ZNF326: variants seen among roughly 807,000 people sequenced by gnomAD.
ZNF326 encodes the protein zinc finger protein 326.
A neutral mutation model predicts 63.1 loss-of-function variants in ZNF326; 30 were observed. The ratio of observed to expected loss-of-function variants is 0.48; its 90% confidence interval spans 0.36 to 0.64. The LOEUF (loss-of-function observed/expected upper bound fraction) is 0.64, where lower values mean the gene tolerates loss of function less well. ZNF326 is among the 30% of genes least tolerant of loss of function. The pLI is 0.00. For missense variants in ZNF326, 609 were observed against 720.3 expected (o/e 0.85, Z 1.77); for synonymous variants, 194 against 228.2 (o/e 0.85, Z 1.35).
At chr1:90,013,997 G>A (rs376853872) in intron 7 of ZNF326, among the ~76,000 whole-genome samples, 1 of 151,856 alleles carries the variant, frequency 6.6e-6, no homozygotes, top group African/African-American at 2.4e-5. Context: ...CCCGGGAGTC[G>A]GAGCTTGCAG....
intron 10 of ZNF326, among the ~76,000 whole-genome samples, chr1:90,021,619 A>G (rs537912147): frequency 1.3e-5 from 2 of 152,246 alleles, no homozygotes; most frequent in South Asian, 2.1e-4. Context: ...TATTGTGGGA[A>G]ATCAGTTTGT....
Position 90,032,295 on chromosome 1 carries a change from AG to A in ZNF326, c.*4598del, listed in dbSNP as rs1650312025. Reference sequence around the variant, plus strand: ...AAACAAAGTTGAAAAATATTATATTAGGGGTCAGGGTGAGGTGCTGTTGATG... The same window carrying A: ...AAACAAAGTTGAAAAATATTATATTAGGGTCAGGGTGAGGTGCTGTTGATG... On this transcript the variant is annotated 3_prime_UTR_variant, in exon 12 of 12. Coordinates refer to ENST00000340281, the MANE Select transcript of ZNF326 (RefSeq NM_182976.4). 2 of 152,410 alleles carry A rather than the reference AG, an allele frequency of 1.3e-5. No individual in the cohort carries two copies. The highest frequency in any genetic ancestry group is 1.3e-4 in the Admixed American group (2 of 15,280). The allele number at this position is 152,410 out of a possible 1,614,324, so 9.4% of individuals were successfully genotyped here.
rs192291331 is a variant in ZNF326, at chr1:89,999,192, G to A, written c.61+1038G>A. 4.0e-4 allele frequency among the ~76,000 whole-genome samples: 61 copies of A among 152,228 alleles called. 1 individual carries two copies. The East Asian group carries it at 0.01, about 25-fold the overall frequency. ...AGATTTTAAGGCCTTGAACTTGGGA[G>A]GTGATAGTAGTAGTAATCTTAAAAA... is the stretch of plus-strand genomic sequence containing the variant. On this transcript the variant is annotated intron_variant, in intron 2 of 11. Transcript: ENST00000340281.
chr1:90,024,997 T>TTC (rs1649945786), intron 11 of ZNF326, among the ~76,000 whole-genome samples: 1 of 148,006 alleles, frequency 6.8e-6, no homozygotes, highest in South Asian at 2.1e-4. Flanking sequence ...TTTTTTTTTT[T>TTC]CTAATCTTCC....
At chr1:90,017,261 A>C in intron 7 of ZNF326, 56 bp from the exon 8 acceptor site, 1 of 1,224,914 alleles carries the variant, frequency 8.2e-7, no homozygotes, top group Non-Finnish European at 1.1e-6. Flanking sequence ...ATTCTTATGA[A>C]CTCTTTATAG....
chr1:90,024,298 T>C (rs553602523), intron 11 of ZNF326, among the ~76,000 whole-genome samples: 2 of 152,360 alleles, frequency 1.3e-5, no homozygotes, highest in African/African-American at 4.8e-5. Flanking sequence ...CAATTTCTCT[T>C]AATTCTCCAA....
chr1:89,996,074 A>G (rs1481280120), intron 1 of ZNF326, among the ~76,000 whole-genome samples: 1 of 152,232 alleles, frequency 6.6e-6, no homozygotes, highest in African/African-American at 2.4e-5. Flanking sequence ...AATACTTTTC[A>G]GTTGTCTCAG....
intron 4 of ZNF326, chr1:90,006,132 C>T (rs1648973394): frequency 1.0e-6 from 1 of 985,230 alleles, no homozygotes; most frequent in Non-Finnish European, 1.2e-6. Flanking sequence ...TTTCTGCTTC[C>T]AGTGTACCAC....
rs942863776 is a variant in ZNF326, at chr1:90,028,514, A to G, written c.*813A>G. 7.6e-4 allele frequency: 116 copies of G among 152,176 alleles called. No individual in the cohort carries two copies. Among genetic ancestry groups the G allele is most frequent in the African/African-American group, 2.6e-3 (108 of 41,456 alleles). 9.4% of individuals were successfully genotyped at this position (152,176 alleles called of 1,614,324 possible). ...TGTGTCAAATCTTCAAGTCTTGCTG[A>G]AAATACATTTGATACAAAGTTTTCT... On this transcript the variant is annotated 3_prime_UTR_variant, in exon 12 of 12. Coordinates refer to ENST00000340281, the MANE Select transcript of ZNF326 (RefSeq NM_182976.4).
chr1:89,995,810 A>G (rs1020321194), intron 1 of ZNF326, among the ~76,000 whole-genome samples: 1 of 152,256 alleles, frequency 6.6e-6, no homozygotes, highest in Non-Finnish European at 1.5e-5. Context: ...GTATAGATAA[A>G]TATCTATGCA....
At position 90,028,711 on chromosome 1, in the gene ZNF326, A is replaced by T. The variant is rs1650137647; in HGVS notation, c.*1010A>T. 6.6e-6 allele frequency: 1 copy of T among 152,102 alleles called. No homozygotes were observed. The highest frequency in any genetic ancestry group is 1.5e-5 in the Non-Finnish European group (1 of 68,032). 9.4% of individuals were successfully genotyped at this position (152,102 alleles called of 1,614,324 possible). On this transcript the variant is annotated 3_prime_UTR_variant, in exon 12 of 12. Transcript: ENST00000340281. Reference sequence around the variant, plus strand: ...AAAGAGAACATGAGCTTGATAGAGGATCTATTCTTAAATAATTTATTTTCA... The same window carrying T: ...AAAGAGAACATGAGCTTGATAGAGGTTCTATTCTTAAATAATTTATTTTCA...
rs142722547 is a variant in ZNF326 at position 89,997,036 on chromosome 1, G to A, written c.17-1074G>A. ...TTGCCATATGCCAGAATTCTAAACA[G>A]TGTCAGTGATAGAAATTCTAAACAA... On this transcript the variant is annotated intron_variant, in intron 1 of 11. Coordinates refer to ENST00000340281, the MANE Select transcript of ZNF326 (RefSeq NM_182976.4). Among the ~76,000 whole-genome samples, 13 of 152,316 alleles carry A rather than the reference G, an allele frequency of 8.5e-5. No homozygotes were observed. The East Asian group carries it at 2.5e-3, about 29-fold the overall frequency.
At chr1:90,011,588 A>G (rs778896984) in intron 6 of ZNF326, among the ~76,000 whole-genome samples, 1 of 149,254 alleles carries the variant, frequency 6.7e-6, no homozygotes, top group African/African-American at 2.5e-5. Flanking sequence ...ACAGTGAGTT[A>G]CCACTCCATA....
At chr1:90,000,519 T>C (rs1014311742) in intron 2 of ZNF326, among the ~76,000 whole-genome samples, 2 of 152,154 alleles carry the variant, frequency 1.3e-5, no homozygotes, top group Non-Finnish European at 2.9e-5. Flanking sequence ...GGCAACATAG[T>C]GAGACCCTGT....
At chr1:89,997,534 C>A (rs111622059) in intron 1 of ZNF326, among the ~76,000 whole-genome samples, 1 of 151,996 alleles carries the variant, frequency 6.6e-6, no homozygotes, top group African/African-American at 2.4e-5. Flanking sequence ...CCACCAGGCC[C>A]GGCTAATTTT....
At chr1:90,022,429 T>A in intron 11 of ZNF326, 84 bp downstream of exon 11, 1 of 951,758 alleles carries the variant, frequency 1.1e-6, no homozygotes. Flanking sequence ...TTTGTGATAC[T>A]TGAATATAGT....
At chr1:90,025,726 A>G (rs1044902063) in intron 11 of ZNF326, among the ~76,000 whole-genome samples, 2 of 152,232 alleles carry the variant, frequency 1.3e-5, no homozygotes, top group African/African-American at 4.8e-5. Flanking sequence ...TCATTATCAA[A>G]TCTAGTGGTC....
intron 11 of ZNF326, among the ~76,000 whole-genome samples, chr1:90,026,864 A>C (rs1650035952): frequency 6.6e-6 from 1 of 152,174 alleles, no homozygotes; most frequent in Non-Finnish European, 1.5e-5. Flanking sequence ...GTTCCTGTGA[A>C]TGTTTACTGA....
chr1:90,018,894 C>T (rs1053109857), intron 9 of ZNF326, 110 bp downstream of exon 9: 13 of 471,196 alleles, frequency 2.8e-5, no homozygotes, highest in Non-Finnish European at 4.7e-5. Context: ...GTCATATATA[C>T]AGTAGCTCTG....
Sources: gnomAD v4.1 joint callset for allele counts (sites outside exome capture counted in the v4.1 genomes callset) on GRCh38, gnomAD v4.1.1 for gene constraint, MANE v1.5 for transcripts, NCBI Gene and HGNC (gene_info 2026-07-23, HGNC 2026-07-21) for gene names.